The following DRC4 variants were observed in gnomAD, a reference collection of about 807,000 sequenced individuals.
The protein encoded by DRC4 is GAS-11.
chr16:90,043,566 G>A, the DRC4 span: 29 of 598,868 alleles, frequency 4.8e-5, no homozygotes, highest in African/African-American at 3.7e-4. Flanking sequence ...GGTGCCGCAC[G>A]TCCAGCCTGT....
At chr16:90,042,992 T>C in the DRC4 span, 1 of 574,648 alleles carries the variant, frequency 1.7e-6, no homozygotes, top group Admixed American at 3.1e-5. Context: ...ATAGGAATAG[T>C]GACAGCCTCT....
At chr16:90,020,155 T>C in the DRC4 span, 63 of 540,010 alleles carry the variant, frequency 1.2e-4, no homozygotes, top group Middle Eastern at 1.1e-3. Context: ...ATCATTGCAT[T>C]TGTAAGTACT....
the DRC4 span, chr16:90,040,500 C>T: frequency 6.2e-7 from 1 of 1,600,416 alleles, no homozygotes; most frequent in African/African-American, 1.3e-5. Flanking sequence ...TGGTGTCCCG[C>T]AAGCTGGAGG....
At chr16:90,020,011 G>C in the DRC4 span, 1 of 699,622 alleles carries the variant, frequency 1.4e-6, no homozygotes, top group South Asian at 1.5e-5. Context: ...AGGCAGTTTC[G>C]ATGAAACTGA....
chr16:90,042,539 C>G, the DRC4 span: 8 of 1,612,476 alleles, frequency 5.0e-6, no homozygotes, highest in South Asian at 8.8e-5. Context: ...CTGTAAGGTA[C>G]GGCTGTGCCC....
At chr16:90,042,274 G>T in the DRC4 span, 3 of 635,046 alleles carry the variant, frequency 4.7e-6, no homozygotes, top group South Asian at 4.5e-5. Flanking sequence ...CAAGCTCCCA[G>T]TTCTCTGCTT....
At chr16:90,042,415 C>G in the DRC4 span, 7 of 1,534,890 alleles carry the variant, frequency 4.6e-6, no homozygotes, top group Non-Finnish European at 6.3e-6. Context: ...CAGGCCGCTC[C>G]CGTTGCCTCG....
At chr16:90,024,274 A>T in the DRC4 span, among the ~76,000 whole-genome samples, 3 of 151,632 alleles carry the variant, frequency 2.0e-5, no homozygotes, top group African/African-American at 4.9e-5. Context: ...TTAAGGAATT[A>T]GAGAGACCGA....
the DRC4 span, chr16:90,037,150 G>A: frequency 7.1e-7 from 1 of 1,412,640 alleles, no homozygotes; most frequent in African/African-American, 1.4e-5. Context: ...GGGCAGGAGA[G>A]CACCCAGCTC....
chr16:90,027,651 G>C, the DRC4 span: 2 of 1,614,174 alleles, frequency 1.2e-6, no homozygotes, highest in South Asian at 1.1e-5. Context: ...GAAAAAGAAA[G>C]GGAAGAAAGG....
At chr16:90,028,771 C>CATGAGGGCT in the DRC4 span, 2 of 512,506 alleles carry the variant, frequency 3.9e-6, no homozygotes, top group Non-Finnish European at 6.2e-6. Context: ...TGACATGGGA[C>CATGAGGGCT]ATGAGGGCTG....
chr16:90,035,305 G>C, the DRC4 span, among the ~76,000 whole-genome samples: 1 of 152,204 alleles, frequency 6.6e-6, no homozygotes, highest in Non-Finnish European at 1.5e-5. Flanking sequence ...GTGCTGGGAT[G>C]ACAGGAATGA....
At chr16:90,024,712 A>G in the DRC4 span, among the ~76,000 whole-genome samples, 1 of 152,100 alleles carries the variant, frequency 6.6e-6, no homozygotes, top group East Asian at 1.9e-4. Context: ...CTGCTTACAC[A>G]CTTTTTAATT....
At chr16:90,032,835 AGT>A in the DRC4 span, 1 of 1,613,950 alleles carries the variant, frequency 6.2e-7, no homozygotes, top group South Asian at 1.1e-5. Context: ...CATACAGGAG[AGT>A]GTGCTGCGCA....
At chr16:90,033,998 A>G in the DRC4 span, among the ~76,000 whole-genome samples, 1 of 151,126 alleles carries the variant, frequency 6.6e-6, no homozygotes, top group East Asian at 2.0e-4. Flanking sequence ...GGGACTGGAG[A>G]CGGGTCAGAG....
chr16:90,027,677 C>G, the DRC4 span: 5 of 1,614,150 alleles, frequency 3.1e-6, no homozygotes, highest in Non-Finnish European at 3.4e-6. Context: ...CCAAAGGCAC[C>G]CCGATTGTCG....
At chr16:90,040,517 C>G in the DRC4 span, 2 of 1,589,306 alleles carry the variant, frequency 1.3e-6, no homozygotes, top group Non-Finnish European at 8.6e-7. Context: ...GAGGTAGGCC[C>G]TAGACAGGCT....
At chr16:90,035,960 C>G in the DRC4 span, 5 of 1,347,972 alleles carry the variant, frequency 3.7e-6, no homozygotes, top group African/African-American at 2.9e-5. Context: ...GGTAGCTATT[C>G]AGTGCCGTGG....
At chr16:90,026,086 A>C in the DRC4 span, among the ~76,000 whole-genome samples, 1 of 152,050 alleles carries the variant, frequency 6.6e-6, no homozygotes, top group Non-Finnish European at 1.5e-5. Context: ...ACACCACTGC[A>C]CTCCAGCTTG....
Sources: allele counts gnomAD v4.1 joint callset (sites outside exome capture counted in the v4.1 genomes callset), GRCh38; gene constraint gnomAD v4.1.1; transcripts MANE v1.5; gene names NCBI Gene and HGNC (gene_info 2026-07-23, HGNC 2026-07-21).